Variants in ADCY5 observed in about 807,000 individuals in gnomAD.
ADCY5 encodes the protein adenylate cyclase 5.
In ADCY5, 30 loss-of-function variants were observed where a neutral mutation model predicts 119.7. That is an observed-to-expected ratio of 0.25 (90% CI 0.19 to 0.34). The LOEUF (loss-of-function observed/expected upper bound fraction) is 0.34. Among genes scored for constraint, ADCY5 ranks in the 10% least tolerant of loss-of-function variants. The probability of loss-of-function intolerance (pLI) is 1.00; values close to 1 mark genes in which losing one functional copy is unlikely to be tolerated. For missense variants in ADCY5, 1,324 were observed against 1,775.2 expected (o/e 0.75, Z 4.57); for synonymous variants, 753 against 762.2 (o/e 0.99, Z 0.20).
chr3:123,398,621 T>G (rs1944668532), intron 1 of ADCY5, among the ~76,000 whole-genome samples: 2 of 152,106 alleles, frequency 1.3e-5, no homozygotes, highest in African/African-American at 2.4e-5. Context: ...ATCTAAATGT[T>G]TGTAATATTT....
At chr3:123,300,434 G>A (rs1314077949) in intron 14 of ADCY5, 139 bp from the exon 15 acceptor site, 2 of 1,016,470 alleles carry the variant, frequency 2.0e-6, no homozygotes, top group Admixed American at 2.5e-5. Flanking sequence ...TTCCCAACAG[G>A]TGTGATATAA....
intron 16 of ADCY5, 173 bp downstream of exon 16, chr3:123,297,179 GC>G: frequency 7.5e-7 from 1 of 1,339,592 alleles, no homozygotes; most frequent in South Asian, 1.2e-5. Flanking sequence ...CAGGGCCTCT[GC>G]CCCCCGAGGA....
chr3:123,373,759 C>CG (rs1943720158), intron 1 of ADCY5, among the ~76,000 whole-genome samples: 8 of 10,868 alleles, frequency 7.4e-4, no homozygotes, highest in South Asian at 5.3e-3. Flanking sequence ...AAGCATCACG[C>CG]CCCCCCCCCC....
chr3:123,329,297 T>C (rs2108394025), intron 5 of ADCY5, among the ~76,000 whole-genome samples: 1 of 152,180 alleles, frequency 6.6e-6, no homozygotes, highest in Admixed American at 6.5e-5. Flanking sequence ...AAAAGCTGGT[T>C]ACCCAGGTTT....
chr3:123,410,709 G>T (rs1212076866), intron 1 of ADCY5, among the ~76,000 whole-genome samples: 1 of 152,060 alleles, frequency 6.6e-6, no homozygotes, highest in Non-Finnish European at 1.5e-5. Flanking sequence ...GTGCAGTGGT[G>T]CAATCATAGC....
In ADCY5 at chr3:123,325,635, T is replaced by C. The variant is rs951285691; in HGVS notation, c.1948-173A>G. On this transcript the variant is annotated intron_variant, in intron 7 of 20. Transcript: ENST00000462833. ...GATCCTGGAACTCCCCAGGCAAGCA[T>C]CCTGGATCTCTCCAAACTCCCTAAT... Among the ~76,000 whole-genome samples the C allele has an allele frequency of 6.6e-5, 10 of 152,306 alleles. No homozygotes were observed. In the Middle Eastern group the frequency reaches 0.017, roughly 259 times the overall value.
chr3:123,419,927 A>G (rs1945266839), intron 1 of ADCY5, among the ~76,000 whole-genome samples: 1 of 150,040 alleles, frequency 6.7e-6, no homozygotes. Flanking sequence ...TGTTGTAGAC[A>G]CCCCCCCACC....
intron 3 of ADCY5, among the ~76,000 whole-genome samples, chr3:123,347,391 A>G (rs189628448): frequency 7.2e-5 from 11 of 152,226 alleles, no homozygotes; most frequent in Non-Finnish European, 1.5e-5. Flanking sequence ...CTGGCTTAGG[A>G]GGCATGGAAG....
In ADCY5 at chr3:123,387,672, G is replaced by A. The variant is rs372075865; in HGVS notation, c.1135-35091C>T. Among the ~76,000 whole-genome samples the A allele has an allele frequency of 3.9e-5, 6 of 152,308 alleles. No homozygotes were observed. The East Asian group carries it at 9.6e-4, about 24-fold the overall frequency. On this transcript the variant is annotated intron_variant, in intron 1 of 20. Coordinates refer to ENST00000462833, the MANE Select transcript of ADCY5 (RefSeq NM_183357.3). Reference sequence around the variant, plus strand: ...GGAAATAGTAACCCCCCTTAAAAAGGCCTATTGCAGATGCAAAAAAGAATT... The same window carrying A: ...GGAAATAGTAACCCCCCTTAAAAAGACCTATTGCAGATGCAAAAAAGAATT...
In ADCY5 at chr3:123,448,949, T is replaced by C. The variant is rs375918551; in HGVS notation, c.-404A>G. 1,920 of 167,414 alleles carry C rather than the reference T, an allele frequency of 0.011. 16 individuals are homozygous for C. The highest frequency in any genetic ancestry group is 0.03 in the South Asian group (152 of 5,054). 10.4% of individuals were successfully genotyped at this position (167,414 alleles called of 1,614,324 possible). A position where few individuals can be genotyped will look rare whatever the true frequency, so the allele number is the denominator to read the frequency against. On this transcript the variant is annotated 5_prime_UTR_variant, in exon 1 of 21. Transcript: ENST00000462833. ...GGGCGGTGCCTCCTCGGGCCGGCAG[T>C]GCCCGGGCGCGGCGCTCGCTGATTC... is the stretch of plus-strand genomic sequence containing the variant.
chr3:123,315,753 A>C (rs1279249589), intron 11 of ADCY5, among the ~76,000 whole-genome samples: 1 of 152,010 alleles, frequency 6.6e-6, no homozygotes, highest in Non-Finnish European at 1.5e-5. Flanking sequence ...TTTTTGCGTC[A>C]CCACGCCCGG....
chr3:123,327,586 C>CCCCT, intron 7 of ADCY5, 32 bp downstream of exon 7: 1 of 1,596,432 alleles, frequency 6.3e-7, no homozygotes, highest in Non-Finnish European at 8.5e-7. Context: ...AGGAAGGGAG[C>CCCCT]CCCTCAGCCC....
intron 3 of ADCY5, among the ~76,000 whole-genome samples, chr3:123,335,240 C>T (rs769586470): frequency 6.6e-6 from 1 of 152,136 alleles, no homozygotes; most frequent in Admixed American, 6.5e-5. Context: ...CAATAAAGGG[C>T]CCTGCTCCCT....
At chr3:123,398,192 C>T (rs140180545) in intron 1 of ADCY5, among the ~76,000 whole-genome samples, 1 of 152,280 alleles carries the variant, frequency 6.6e-6, no homozygotes, top group East Asian at 1.9e-4. Context: ...GGTCAGGTCT[C>T]GCCAGCAATG....
intron 7 of ADCY5, among the ~76,000 whole-genome samples, chr3:123,327,362 T>G (rs556722096): frequency 6.6e-6 from 1 of 152,346 alleles, no homozygotes; most frequent in South Asian, 2.1e-4. Context: ...TTCCAGCTTG[T>G]GGACTTCTGA....
At chr3:123,367,976 C>T (rs1291106941) in intron 1 of ADCY5, 1 of 1,528,252 alleles carries the variant, frequency 6.5e-7, no homozygotes, top group African/African-American at 1.4e-5. Flanking sequence ...CCCAGCACTA[C>T]ACAGGCTGCC....
At chr3:123,336,938 T>C (rs907851567) in intron 3 of ADCY5, among the ~76,000 whole-genome samples, 1 of 152,194 alleles carries the variant, frequency 6.6e-6, no homozygotes, top group Non-Finnish European at 1.5e-5. Context: ...GCCCCAGAGA[T>C]TCTGACTTAA....
At chr3:123,332,175 G>A (rs1941795632) in intron 4 of ADCY5, among the ~76,000 whole-genome samples, 1 of 152,202 alleles carries the variant, frequency 6.6e-6, no homozygotes, top group African/African-American at 2.4e-5. Flanking sequence ...TCTCTTATCA[G>A]TCTGGCCAAT....
intron 1 of ADCY5, among the ~76,000 whole-genome samples, chr3:123,369,017 A>G (rs969375500): frequency 6.6e-6 from 1 of 152,154 alleles, no homozygotes; most frequent in African/African-American, 2.4e-5. Context: ...GGTCTCTGCT[A>G]TGGTTTTGAA....
Sources: gnomAD v4.1 joint callset for allele counts (sites outside exome capture counted in the v4.1 genomes callset) on GRCh38, gnomAD v4.1.1 for gene constraint, MANE v1.5 for transcripts, NCBI Gene and HGNC (gene_info 2026-07-23, HGNC 2026-07-21) for gene names.